ATP9B: variants seen among roughly 807,000 people sequenced by gnomAD.
ATP9B encodes the protein probable phospholipid-transporting ATPase IIB.
In ATP9B, 110 loss-of-function variants were observed where a neutral mutation model predicts 146.1. The observed-to-expected ratio is 0.75, with a 90% CI of 0.65 to 0.88. The LOEUF (loss-of-function observed/expected upper bound fraction) is 0.88. Among genes scored for constraint, ATP9B ranks in the 40% least tolerant of loss-of-function variants. The probability of loss-of-function intolerance (pLI) is 0.00; values close to 1 mark genes in which losing one functional copy is unlikely to be tolerated. For synonymous variants in ATP9B, 604 were observed against 569.7 expected, an observed-to-expected ratio of 1.06 and a Z score of -0.86; for missense variants, 1,499 against 1,496.4, an observed-to-expected ratio of 1.00 and a Z score of -0.03.
At chr18:79,307,323 T>C (rs1391344519) in intron 15 of ATP9B, 89 bp downstream of exon 15, 14 of 1,563,590 alleles carry the variant, frequency 9.0e-6, no homozygotes, top group African/African-American at 2.7e-5. Flanking sequence ...ATGGGGAATA[T>C]AGAGGAGCAG....
chr18:79,310,648 C>G (rs2096647363), intron 15 of ATP9B, among the ~76,000 whole-genome samples: 1 of 152,134 alleles, frequency 6.6e-6, no homozygotes, highest in South Asian at 2.1e-4. Flanking sequence ...CTTCCAGGAT[C>G]ATGGGACTAG....
At chr18:79,210,461 C>T (rs2095574198) in intron 10 of ATP9B, among the ~76,000 whole-genome samples, 1 of 152,136 alleles carries the variant, frequency 6.6e-6, no homozygotes, top group Admixed American at 6.5e-5. Flanking sequence ...CATGTGGACT[C>T]TAGACCTGGG....
intron 1 of ATP9B, among the ~76,000 whole-genome samples, chr18:79,077,830 G>A (rs1273055572): frequency 6.6e-6 from 1 of 152,294 alleles, no homozygotes; most frequent in Middle Eastern, 3.4e-3. Flanking sequence ...TTTGTTCCTC[G>A]TATCTGCTTT....
At chr18:79,170,204 C>T (rs1487029965) in intron 7 of ATP9B, among the ~76,000 whole-genome samples, 2 of 152,170 alleles carry the variant, frequency 1.3e-5, no homozygotes, top group Non-Finnish European at 2.9e-5. Flanking sequence ...AGCACAAGCT[C>T]ATGTCAGGCA....
chr18:79,295,919 C>T (rs183463028), intron 13 of ATP9B, among the ~76,000 whole-genome samples: 1 of 152,324 alleles, frequency 6.6e-6, no homozygotes, highest in East Asian at 1.9e-4. Context: ...TTCCCAGCCG[C>T]CAGAGCTATG....
intron 15 of ATP9B, among the ~76,000 whole-genome samples, chr18:79,327,227 G>A (rs1378651444): frequency 1.3e-5 from 2 of 152,226 alleles, no homozygotes; most frequent in Admixed American, 1.3e-4. Context: ...GAGTGAGGTG[G>A]AGGTTAAAAC....
intron 6 of ATP9B, chr18:79,146,551 C>A: frequency 5.2e-6 from 1 of 192,958 alleles, no homozygotes; most frequent in Non-Finnish European, 1.1e-5. Context: ...AAGGTGCAAG[C>A]TGCATGTCGG....
chr18:79,130,128 C>T (rs1464743359), intron 5 of ATP9B, among the ~76,000 whole-genome samples: 2 of 152,106 alleles, frequency 1.3e-5, no homozygotes, highest in Admixed American at 6.5e-5. Context: ...TAGTAACTGC[C>T]CCTGAGGAAA....
chr18:79,262,232 T>C (rs978038308), intron 12 of ATP9B, among the ~76,000 whole-genome samples: 3 of 150,852 alleles, frequency 2.0e-5, no homozygotes, highest in Admixed American at 2.0e-4. Context: ...CCAAAAACCA[T>C]TCCCTAAACA....
At chr18:79,234,484 A>T (rs1033136038) in intron 11 of ATP9B, among the ~76,000 whole-genome samples, 4 of 152,174 alleles carry the variant, frequency 2.6e-5, no homozygotes, top group African/African-American at 9.7e-5. Flanking sequence ...CCTTTGCTCC[A>T]CGAGACTTCT....
intron 26 of ATP9B, among the ~76,000 whole-genome samples, chr18:79,365,282 A>G (rs1260208679): frequency 6.6e-6 from 1 of 152,144 alleles, no homozygotes; most frequent in Non-Finnish European, 1.5e-5. Context: ...TCATCAGGGA[A>G]CTGCAAGTTG....
chr18:79,256,721 C>T (rs978814135), intron 12 of ATP9B, among the ~76,000 whole-genome samples: 1 of 152,096 alleles, frequency 6.6e-6, no homozygotes, highest in Non-Finnish European at 1.5e-5. Context: ...CTCTCCCATC[C>T]ACTTACATGC....
intron 12 of ATP9B, among the ~76,000 whole-genome samples, chr18:79,271,272 T>A (rs1310609805): frequency 6.6e-6 from 1 of 152,186 alleles, no homozygotes; most frequent in African/African-American, 2.4e-5. Context: ...AGTTTTAGGG[T>A]ACATGTGCAC....
In ATP9B at chr18:79,202,775, TTG is replaced by T. The variant is rs1001614369; in HGVS notation, c.955-4158_955-4157del. Among the ~76,000 whole-genome samples the T allele has an allele frequency of 1.8e-4, 28 of 152,336 alleles. No individual in the cohort carries two copies. In the East Asian group the frequency reaches 1.9e-3, roughly 10 times the overall value. On this transcript the variant is annotated intron_variant, in intron 9 of 29. Coordinates refer to ENST00000426216, the MANE Select transcript of ATP9B (RefSeq NM_198531.5). ...GAACTGAAAGAAAGATGCATAGATA[TTG>T]TGTTTTCTTCAACATAAAATTGTGT...
intron 5 of ATP9B, among the ~76,000 whole-genome samples, chr18:79,133,501 G>C (rs1428052068): frequency 8.4e-5 from 12 of 142,492 alleles, no homozygotes; most frequent in Admixed American, 8.3e-4. Flanking sequence ...ACTCAGGAGT[G>C]GTTATAAACA....
At chr18:79,233,921 T>C (rs903306611) in intron 11 of ATP9B, among the ~76,000 whole-genome samples, 1 of 152,238 alleles carries the variant, frequency 6.6e-6, no homozygotes, top group Non-Finnish European at 1.5e-5. Flanking sequence ...GGAAAAGTTA[T>C]ATTCACGCTT....
At chr18:79,310,953 C>G (rs1599861721) in intron 15 of ATP9B, among the ~76,000 whole-genome samples, 1 of 151,586 alleles carries the variant, frequency 6.6e-6, no homozygotes, top group East Asian at 1.9e-4. Context: ...GAGTTTGAGG[C>G]CAGCCTGGCC....
At chr18:79,191,578 C>T (rs1291181474) in intron 8 of ATP9B, among the ~76,000 whole-genome samples, 1 of 152,198 alleles carries the variant, frequency 6.6e-6, no homozygotes, top group Non-Finnish European at 1.5e-5. Flanking sequence ...TCACCATCAT[C>T]TGTAATCTGT....
chr18:79,165,987 A>G (rs893793621), intron 7 of ATP9B, among the ~76,000 whole-genome samples: 2 of 152,148 alleles, frequency 1.3e-5, no homozygotes, highest in Non-Finnish European at 2.9e-5. Flanking sequence ...GCTACACCAC[A>G]ACCCCATCCC....
Sources: allele counts gnomAD v4.1 joint callset (sites outside exome capture counted in the v4.1 genomes callset), GRCh38; gene constraint gnomAD v4.1.1; transcripts MANE v1.5; gene names NCBI Gene and HGNC (gene_info 2026-07-23, HGNC 2026-07-21).